The following IGF1R variants were observed in gnomAD, a reference collection of about 807,000 sequenced individuals.
The protein encoded by IGF1R is insulin-like growth factor 1 receptor.
IGF1R carries 44 observed loss-of-function variants against 144.6 expected under a neutral mutation model. That is an observed-to-expected ratio of 0.30 (90% CI 0.24 to 0.39). IGF1R has a LOEUF of 0.39. Ranked by LOEUF, IGF1R falls within the 10% of genes least tolerant of loss-of-function variation. The pLI, the probability that IGF1R is intolerant of heterozygous loss-of-function variation, is 1.00. For synonymous variants in IGF1R, 795 were observed against 722.8 expected (o/e 1.10, Z -1.60); for missense variants, 1,355 against 1,833.7 (o/e 0.74, Z 4.77).
intron 1 of IGF1R, among the ~76,000 whole-genome samples, chr15:98,680,864 C>CTTTTTTTTT (rs71149411): frequency 1.4e-5 from 2 of 142,542 alleles, no homozygotes; most frequent in African/African-American, 2.5e-5. Flanking sequence ...GCCATATGTA[C>CTTTTTTTTT]TTTTTTTTTT....
chr15:98,902,446 C>G (rs1448594384), intron 5 of IGF1R, among the ~76,000 whole-genome samples: 1 of 114,430 alleles, frequency 8.7e-6, no homozygotes, highest in East Asian at 2.8e-4. Context: ...GAGATGGAAT[C>G]TTGCTGTGTC....
chr15:98,959,130 CCACT>C lies in IGF1R; in HGVS notation c.*1692_*1695del. ...TTTCACACGTCTTTGTTCAGTGTTTCCACTCACCGTGGTTGAGAAGCCTCACCCT... is the reference window on the plus strand; with the variant it reads ...TTTCACACGTCTTTGTTCAGTGTTTCCACCGTGGTTGAGAAGCCTCACCCT... On this transcript the variant is annotated 3_prime_UTR_variant, in exon 21 of 21. Transcript: ENST00000650285. 4.3e-6 allele frequency: 1 copy of C among 233,406 alleles called. No homozygotes were observed. Among genetic ancestry groups the C allele is most frequent in the Non-Finnish European group, 8.5e-6 (1 of 118,040 alleles). 14.5% of individuals were successfully genotyped at this position (233,406 alleles called of 1,614,324 possible).
intron 1 of IGF1R, among the ~76,000 whole-genome samples, chr15:98,654,412 C>T (rs1051793469): frequency 3.3e-5 from 5 of 152,136 alleles, no homozygotes; most frequent in Non-Finnish European, 7.4e-5. Flanking sequence ...GAACTTATTT[C>T]AGAAGTTTTC....
intron 2 of IGF1R, among the ~76,000 whole-genome samples, chr15:98,742,517 T>C (rs1470182901): frequency 1.3e-5 from 2 of 152,094 alleles, no homozygotes; most frequent in Non-Finnish European, 2.9e-5. Flanking sequence ...TGTAACACTT[T>C]CCAAAGGGAT....
intron 2 of IGF1R, among the ~76,000 whole-genome samples, chr15:98,866,263 A>G (rs1389515825): frequency 1.3e-5 from 2 of 151,934 alleles, no homozygotes; most frequent in Non-Finnish European, 2.9e-5. Flanking sequence ...AGATGCACGT[A>G]CTCTCTTCAC....
At position 98,861,890 on chromosome 15, in the gene IGF1R, T is replaced by A. The variant is rs539610790; in HGVS notation, c.641-29435T>A. On this transcript the variant is annotated intron_variant, in intron 2 of 20. Transcript: ENST00000650285. ...CAGAATTCTCATCTTCTGTTGCATA[T>A]CCCATAATGCTGGGAACACAAAATA... Among the ~76,000 whole-genome samples the A allele has an allele frequency of 1.5e-4, 23 of 152,372 alleles. No homozygotes were observed. The East Asian group carries it at 4.4e-3, about 29-fold the overall frequency.
At chr15:98,854,291 C>G (rs1223619399) in intron 2 of IGF1R, among the ~76,000 whole-genome samples, 1 of 152,156 alleles carries the variant, frequency 6.6e-6, no homozygotes, top group African/African-American at 2.4e-5. Context: ...CGGCTTCTCT[C>G]CCTTACTCAT....
At chr15:98,911,782 T>C (rs1276395241) in intron 7 of IGF1R, among the ~76,000 whole-genome samples, 2 of 152,196 alleles carry the variant, frequency 1.3e-5, no homozygotes, top group Non-Finnish European at 1.5e-5. Flanking sequence ...GATGGGGGAC[T>C]TCACTGAAAT....
intron 8 of IGF1R, among the ~76,000 whole-genome samples, chr15:98,914,160 GC>G (rs1429507853): frequency 6.6e-6 from 1 of 152,176 alleles, no homozygotes; most frequent in Non-Finnish European, 1.5e-5. Flanking sequence ...TCATAGAAGG[GC>G]CTGGATTCCA....
rs1392452224 is a variant in IGF1R at position 98,961,997 on chromosome 15, A to G, written c.*4555A>G. The G allele has an allele frequency of 1.3e-5, 3 of 233,218 alleles. No individual in the cohort carries two copies. The highest frequency in any genetic ancestry group is 2.5e-5 in the Non-Finnish European group (3 of 118,070). 14.4% of individuals were successfully genotyped at this position (233,218 alleles called of 1,614,324 possible). ...TGGGGTGCTTTGGGATAAAAGATTT[A>G]TGAGCCAACTATTCTCTGGCACCAG... On this transcript the variant is annotated 3_prime_UTR_variant, in exon 21 of 21. Coordinates refer to ENST00000650285, the MANE Select transcript of IGF1R (RefSeq NM_000875.5).
intron 9 of IGF1R, among the ~76,000 whole-genome samples, 183 bp downstream of exon 9, chr15:98,916,314 T>C (rs1324599963): frequency 3.4e-5 from 5 of 146,322 alleles, no homozygotes; most frequent in Admixed American, 7.1e-5. Context: ...CAGGCTGGAG[T>C]GCAGTGGCAC....
In IGF1R at chr15:98,738,323, A is replaced by T. The variant is rs1432047258; in HGVS notation, c.640+30216A>T. ...TTAGCTGGGACTGTTGGTGTCAGGCACACACCACCTTGCCTAGCTTGAAGA... is the reference window on the plus strand; with the variant it reads ...TTAGCTGGGACTGTTGGTGTCAGGCTCACACCACCTTGCCTAGCTTGAAGA... On this transcript the variant is annotated intron_variant, in intron 2 of 20. Transcript: ENST00000650285. Among the ~76,000 whole-genome samples, 6 of 152,338 alleles carry T rather than the reference A, an allele frequency of 3.9e-5. No individual in the cohort carries two copies. The South Asian group carries it at 1.2e-3, about 32-fold the overall frequency.
At position 98,739,287 on chromosome 15, in the gene IGF1R, C is replaced by T. The variant is rs114413576; in HGVS notation, c.640+31180C>T. 2.3e-3 allele frequency among the ~76,000 whole-genome samples: 350 copies of T among 152,246 alleles called. 1 individual carries two copies. The highest frequency in any genetic ancestry group is 7.8e-3 in the African/African-American group (323 of 41,530). ...CCTCTTTCTCTGCATGCTCTGTTGA[C>T]GGTCTAGTCTTGAGAGAGAACCTGC... On this transcript the variant is annotated intron_variant, in intron 2 of 20. Transcript: ENST00000650285.
At chr15:98,781,969 A>G (rs1228711454) in intron 2 of IGF1R, among the ~76,000 whole-genome samples, 2 of 152,174 alleles carry the variant, frequency 1.3e-5, no homozygotes, top group Non-Finnish European at 2.9e-5. Context: ...TTCATAGCCC[A>G]GCAAAAGGCT....
intron 2 of IGF1R, 62 bp downstream of exon 2, chr15:98,708,169 C>CA (rs2053911118): frequency 7.1e-7 from 1 of 1,407,614 alleles, no homozygotes; most frequent in African/African-American, 1.4e-5. Flanking sequence ...TCCTCCTTGA[C>CA]CTCCCTTCTC....
At chr15:98,750,747 A>G (rs2054990490) in intron 2 of IGF1R, among the ~76,000 whole-genome samples, 1 of 152,194 alleles carries the variant, frequency 6.6e-6, no homozygotes, top group African/African-American at 2.4e-5. Context: ...GTAGCCACCT[A>G]TAACTCCAGC....
chr15:98,816,944 A>G (rs138666860), intron 2 of IGF1R, among the ~76,000 whole-genome samples: 2 of 152,324 alleles, frequency 1.3e-5, no homozygotes, highest in African/African-American at 4.8e-5. Flanking sequence ...TCACTTATTT[A>G]TTAATTTAAC....
At chr15:98,840,969 C>G (rs2011164135) in intron 2 of IGF1R, among the ~76,000 whole-genome samples, 1 of 152,244 alleles carries the variant, frequency 6.6e-6, no homozygotes, top group Non-Finnish European at 1.5e-5. Flanking sequence ...GCGTGAGACA[C>G]TGCGCCTGGC....
At chr15:98,696,681 G>T (rs1291235926) in intron 1 of IGF1R, among the ~76,000 whole-genome samples, 1 of 152,202 alleles carries the variant, frequency 6.6e-6, no homozygotes, top group Admixed American at 6.5e-5. Flanking sequence ...GTTACTACCA[G>T]GGGGCTTGAG....
Sources: allele counts gnomAD v4.1 joint callset (sites outside exome capture counted in the v4.1 genomes callset), GRCh38; gene constraint gnomAD v4.1.1; transcripts MANE v1.5; gene names NCBI Gene and HGNC (gene_info 2026-07-23, HGNC 2026-07-21).